Variants in PRDM2 observed in about 807,000 individuals in gnomAD.
The protein encoded by PRDM2 is PR domain zinc finger protein 2.
A neutral mutation model predicts 130.0 loss-of-function variants in PRDM2; 30 were observed. That is an observed-to-expected ratio of 0.23 (90% CI 0.17 to 0.31). The LOEUF is 0.31. Among genes scored for constraint, PRDM2 ranks in the 10% least tolerant of loss-of-function variants. The pLI, the probability that PRDM2 is intolerant of heterozygous loss-of-function variation, is 1.00. For missense variants in PRDM2, 2,011 were observed against 2,108.4 expected (o/e 0.95, Z 0.90); for synonymous variants, 871 against 782.4 (o/e 1.11, Z -1.89).
chr1:13,795,327 C>T (rs1023755592), intron 8 of PRDM2, among the ~76,000 whole-genome samples: 1 of 152,202 alleles, frequency 6.6e-6, no homozygotes, highest in African/African-American at 2.4e-5. Context: ...ATTTCATGTT[C>T]TCCCATTTTA....
intron 8 of PRDM2, among the ~76,000 whole-genome samples, chr1:13,816,125 C>G (rs1337845063): frequency 2.6e-5 from 4 of 152,176 alleles, no homozygotes; most frequent in Admixed American, 1.3e-4. Flanking sequence ...TGGGGGTCAC[C>G]AGACGGCACT....
intron 9 of PRDM2, among the ~76,000 whole-genome samples, chr1:13,821,289 A>G (rs897889918): frequency 1.3e-5 from 2 of 152,128 alleles, no homozygotes; most frequent in Admixed American, 1.3e-4. Context: ...TATTATTATT[A>G]TTATTGAAAT....
At chr1:13,807,496 AG>A (rs1645103826) in intron 8 of PRDM2, among the ~76,000 whole-genome samples, 3 of 152,202 alleles carry the variant, frequency 2.0e-5, no homozygotes, top group Non-Finnish European at 4.4e-5. Context: ...AAGGGAGTCG[AG>A]ATGGGGAGTA....
chr1:13,748,193 GTGT>G (rs1480121820), intron 5 of PRDM2, among the ~76,000 whole-genome samples: 3 of 152,184 alleles, frequency 2.0e-5, no homozygotes, highest in African/African-American at 7.2e-5. Flanking sequence ...TATTACAAAA[GTGT>G]TGTTTTTTTT....
chr1:13,700,505 C>G (rs1194057604), intron 1 of PRDM2, among the ~76,000 whole-genome samples: 1 of 150,250 alleles, frequency 6.7e-6, no homozygotes, highest in East Asian at 2.0e-4. Flanking sequence ...TCGGTGGCCC[C>G]GCGGGTGGGT....
chr1:13,799,169 C>T (rs917033082), intron 8 of PRDM2, among the ~76,000 whole-genome samples: 1 of 152,142 alleles, frequency 6.6e-6, no homozygotes, highest in Non-Finnish European at 1.5e-5. Flanking sequence ...TGAGGCCGGG[C>T]GCGGTGGCTC....
Position 13,779,898 on chromosome 1 carries a change from A to AACT in PRDM2, c.2104_2106dup (p.Thr702dup), listed in dbSNP as rs868314065. The AACT allele has an allele frequency of 6.6e-7, 1 of 1,521,420 alleles. No individual in the cohort carries two copies. The highest frequency in any genetic ancestry group is 1.8e-5 in the African/African-American group (1 of 56,986). 94.2% of individuals were successfully genotyped at this position (1,521,420 alleles called of 1,614,324 possible). ...AACTTCTTCAAACCCAAGATAAACT[A>AACT]ACTCCTGCAGGGATTTCAGCAACTG... On this transcript the variant is annotated inframe_insertion, in exon 8 of 10. Coordinates refer to ENST00000311066, the MANE Select transcript of PRDM2 (RefSeq NM_001393986.1). This position sits in a 1 kb window ranked among gnomAD's most constrained non-coding sequence, Gnocchi z 4.9.
At chr1:13,733,036 A>G (rs979211096) in intron 4 of PRDM2, among the ~76,000 whole-genome samples, 154 bp downstream of exon 4, 5 of 152,210 alleles carry the variant, frequency 3.3e-5, no homozygotes, top group African/African-American at 1.2e-4. Flanking sequence ...GTTTCCCTGG[A>G]TACAGACTGC....
intron 6 of PRDM2, among the ~76,000 whole-genome samples, chr1:13,765,580 C>T (rs188169298): frequency 1.2e-3 from 182 of 152,234 alleles, no homozygotes; most frequent in Non-Finnish European, 2.3e-3. Context: ...ATTATCCTGT[C>T]TCAGCCTCCT....
At position 13,780,831 on chromosome 1, in the gene PRDM2, A is replaced by C; in HGVS notation, c.3036A>C (p.Ser1012=). The change falls in exon 8 of 10, where the codon TCA becomes TCC. Residue 1012 remains serine, a synonymous_variant. Transcript: ENST00000311066. ...CACACCCATGCCCCTCTCCACTCTC[A>C]AATGCCACCGCACAGTCCCCACTTC... The part of the protein sequence containing the change: ...ASPHPCPSPL[S]NATAQSPLPI... The C allele has an allele frequency of 6.3e-7, 1 of 1,590,950 alleles. No homozygotes were observed. Among genetic ancestry groups the C allele is most frequent in the Non-Finnish European group, 8.5e-7 (1 of 1,169,728 alleles).
At position 13,816,503 on chromosome 1, in the gene PRDM2, G is replaced by C; in HGVS notation, c.5113G>C (p.Ala1705Pro). ...CACCAGGCAGTATAGGAAGGTCAAA[G>C]CTCCAGCTGCAGCCCAGTTCCAGGG... Reference protein sequence around the residue: ...YITRQYRKVKAPAAAQFQGPF... With the variant: ...YITRQYRKVKPPAAAQFQGPF... Residue 1705 changes from alanine to proline, a missense_variant, in exon 9 of 10, where the codon GCT becomes CCT. Physicochemically the swap from Ala to Pro is conservative, Grantham distance 27. Coordinates refer to ENST00000311066, the MANE Select transcript of PRDM2 (RefSeq NM_001393986.1). 1.2e-6 allele frequency: 2 copies of C among 1,614,136 alleles called. No individual in the cohort carries two copies. Among genetic ancestry groups the C allele is most frequent in the Admixed American group, 3.3e-5 (2 of 60,028 alleles).
intron 8 of PRDM2, 142 bp downstream of exon 8, chr1:13,782,973 AGGGTCATTGCTTT>A (rs1367037375): frequency 6.6e-7 from 1 of 1,514,184 alleles, no homozygotes; most frequent in East Asian, 2.3e-5. Context: ...AAAGGCATGA[AGGGTCATTGCTTT>A]GGCTGCTTTT....
intron 5 of PRDM2, among the ~76,000 whole-genome samples, chr1:13,745,617 G>A (rs753014097): frequency 6.6e-6 from 1 of 152,132 alleles, no homozygotes; most frequent in African/African-American, 2.4e-5. Context: ...TAGAGACGGG[G>A]TTTCACCATA....
rs772837109 is a variant in PRDM2 at position 13,778,435 on chromosome 1, G to A, written c.640G>A (p.Glu214Lys). 5.5e-5 allele frequency: 89 copies of A among 1,604,242 alleles called. No homozygotes were observed. The highest frequency in any genetic ancestry group is 7.1e-5 in the Non-Finnish European group (83 of 1,177,004). Residue 214 changes from glutamate to lysine, a missense_variant, in exon 8 of 10, where the codon GAG becomes AAG. By Grantham distance (56) the Glu-to-Lys change is moderately conservative. Coordinates refer to ENST00000311066, the MANE Select transcript of PRDM2 (RefSeq NM_001393986.1). ...CTTTCTAGGTCCTAAAGAAGACGAA[G>A]AGAAGCCTTCAGCCTCAGCACTTGA... ...DSAEGPKEDE[E>K]KPSASALEQP...
rs541815877 is a variant in PRDM2, at chr1:13,727,814, C to G, written c.10-3186C>G. 6.6e-5 allele frequency among the ~76,000 whole-genome samples: 10 copies of G among 152,264 alleles called. No homozygotes were observed. In the South Asian group the frequency reaches 1.7e-3, roughly 25 times the overall value. ...ACAAGATCAATCTGGGAAATAGTGC[C>G]AGGATCAAATTGTGATTCTTTAGTA... On this transcript the variant is annotated intron_variant, in intron 2 of 9. Coordinates refer to ENST00000311066, the MANE Select transcript of PRDM2 (RefSeq NM_001393986.1).
intron 9 of PRDM2, among the ~76,000 whole-genome samples, chr1:13,821,871 G>A (rs1011721036): frequency 1.3e-5 from 2 of 152,112 alleles, no homozygotes; most frequent in African/African-American, 2.4e-5. Flanking sequence ...ATCCCCTCCC[G>A]ACTGGAAGAG....
At position 13,824,848 on chromosome 1, in the gene PRDM2, C is replaced by G. The variant is rs981169237; in HGVS notation, c.*1713C>G. 1 of 152,610 alleles carries G rather than the reference C, an allele frequency of 6.6e-6. No individual in the cohort carries two copies. Among genetic ancestry groups the G allele is most frequent in the African/African-American group, 2.4e-5 (1 of 41,438 alleles). The allele number at this position is 152,610 out of a possible 1,614,324, so 9.5% of individuals were successfully genotyped here. ...AGTCACCTGCAGCCCATGGTGAGCT[C>G]TGGGAAGTGTGGTTGAGGCCTTGGG... On this transcript the variant is annotated 3_prime_UTR_variant, in exon 10 of 10. Coordinates refer to ENST00000311066, the MANE Select transcript of PRDM2 (RefSeq NM_001393986.1).
chr1:13,700,478 A>C (rs1642036313), intron 1 of PRDM2, among the ~76,000 whole-genome samples, 178 bp downstream of exon 1: 1 of 149,140 alleles, frequency 6.7e-6, no homozygotes, highest in Admixed American at 6.6e-5. Flanking sequence ...CCCCGGGACG[A>C]GGCGCGGGCC....
Position 13,782,007 on chromosome 1 carries a change from C to T in PRDM2, c.4212C>T (p.Asn1404=), listed in dbSNP as rs766922098. The T allele has an allele frequency of 6.2e-7, 1 of 1,614,134 alleles. No individual in the cohort carries two copies. The highest frequency in any genetic ancestry group is 2.2e-5 in the East Asian group (1 of 44,876). ...GAATGGGACAGCCCAAAAGGCTTAA[C>T]TTTAGTGTTGAGCTCAGCAAAATGT... ...FRRMGQPKRL[N]FSVELSKMSS... Residue 1404 remains asparagine, a synonymous_variant, in exon 8 of 10, where the codon AAC becomes AAT. Coordinates refer to ENST00000311066, the MANE Select transcript of PRDM2 (RefSeq NM_001393986.1).
Sources: gnomAD v4.1 joint callset for allele counts (sites outside exome capture counted in the v4.1 genomes callset) on GRCh38, gnomAD v4.1.1 for gene constraint, Gnocchi (gnomAD v3.1) non-coding constraint, MANE v1.5 for transcripts, NCBI Gene and HGNC (gene_info 2026-07-23, HGNC 2026-07-21) for gene names.